Variants in ATXN10 observed in about 807,000 individuals in gnomAD.
ATXN10 encodes ataxin 10, also known as ataxin-10.
Under a neutral mutation model 52.9 loss-of-function variants are expected in ATXN10, and 28 were observed. That is an observed-to-expected ratio of 0.53 (90% CI 0.39 to 0.73). The LOEUF is 0.73. Ranked by LOEUF, ATXN10 falls within the 30% of genes least tolerant of loss-of-function variation. The probability of loss-of-function intolerance (pLI) is 0.00; values close to 1 mark genes in which losing one functional copy is unlikely to be tolerated. For missense variants in ATXN10, 565 were observed against 577.0 expected (o/e 0.98, Z 0.21); for synonymous variants, 226 against 221.5 (o/e 1.02, Z -0.18).
rs1928053801 is a variant in ATXN10 at position 45,805,035 on chromosome 22, C to T, written c.1174-1924C>T. Among the ~76,000 whole-genome samples, 1 of 152,342 alleles carries T rather than the reference C, an allele frequency of 6.6e-6. No homozygotes were observed. The highest frequency in any genetic ancestry group is 2.4e-5 in the African/African-American group (1 of 41,574). On this transcript the variant is annotated intron_variant, in intron 9 of 11. Coordinates refer to ENST00000252934, the MANE Select transcript of ATXN10 (RefSeq NM_013236.4). This position sits in a 1 kb window ranked among gnomAD's most constrained non-coding sequence, Gnocchi z 4.4. ...ACATTCACAGCCATATAGCAGTCTA[C>T]TGTGTTTGTACCGTAGTTTATGTAA...
intron 7 of ATXN10, among the ~76,000 whole-genome samples, chr22:45,734,628 C>G (rs1925220274): frequency 6.7e-6 from 1 of 149,780 alleles, no homozygotes; most frequent in South Asian, 2.1e-4. Flanking sequence ...GAAATACAAA[C>G]CTACATAGTC....
chr22:45,831,626 C>T (rs947887590), intron 10 of ATXN10, among the ~76,000 whole-genome samples: 14 of 152,126 alleles, frequency 9.2e-5, no homozygotes, highest in Non-Finnish European at 1.5e-4. Context: ...TTTTTATCTT[C>T]ATTTTATAGA....
At position 45,708,379 on chromosome 22, in the gene ATXN10, T is replaced by C. The variant is rs548770061; in HGVS notation, c.647+5532T>C. ...TGTGTTGGTTGCTTTGTCTGTGTAA[T>C]CTCATTTTCACATTGCTGCCATCCT... On this transcript the variant is annotated intron_variant, in intron 5 of 11. Transcript: ENST00000252934. The surrounding 1 kb of genome is among the most constrained non-coding windows in gnomAD (Gnocchi z 5.3). Among the ~76,000 whole-genome samples, 1 of 152,308 alleles carries C rather than the reference T, an allele frequency of 6.6e-6. No homozygotes were observed. The highest frequency in any genetic ancestry group is 2.1e-4 in the South Asian group (1 of 4,824).
At chr22:45,798,699 T>C (rs1569069530) in intron 9 of ATXN10, among the ~76,000 whole-genome samples, 1 of 152,172 alleles carries the variant, frequency 6.6e-6, no homozygotes, top group Non-Finnish European at 1.5e-5. Flanking sequence ...AAAAATCAGA[T>C]GCATGCAGGT....
intron 9 of ATXN10, among the ~76,000 whole-genome samples, chr22:45,764,189 G>T (rs918948699): frequency 6.6e-6 from 1 of 151,876 alleles, no homozygotes; most frequent in Non-Finnish European, 1.5e-5. Context: ...CTCCCCCATC[G>T]CAGGGGAGTT....
At position 45,769,421 on chromosome 22, in the gene ATXN10, C is replaced by T. The variant is rs560712654; in HGVS notation, c.1173+28883C>T. ...AGCATGAAATGGGTAGAATCCTGCC[C>T]GATGAGGGCACAGAAGGCCCCCAAT... is the stretch of plus-strand genomic sequence containing the variant. On this transcript the variant is annotated intron_variant, in intron 9 of 11. Coordinates refer to ENST00000252934, the MANE Select transcript of ATXN10 (RefSeq NM_013236.4). This position sits in a 1 kb window ranked among gnomAD's most constrained non-coding sequence, Gnocchi z 4.2. Among the ~76,000 whole-genome samples the T allele has an allele frequency of 1.6e-4, 24 of 151,812 alleles. No homozygotes were observed. The highest frequency in any genetic ancestry group is 3.2e-4 in the Non-Finnish European group (22 of 67,986).
At chr22:45,796,733 AATT>A (rs1389175861) in intron 9 of ATXN10, among the ~76,000 whole-genome samples, 7 of 152,172 alleles carry the variant, frequency 4.6e-5, no homozygotes, top group African/African-American at 1.7e-4. Context: ...CCTGACCTCA[AATT>A]ATCCTCCCAC....
At chr22:45,779,149 C>G (rs1927059738) in intron 9 of ATXN10, among the ~76,000 whole-genome samples, 1 of 152,168 alleles carries the variant, frequency 6.6e-6, no homozygotes, top group Non-Finnish European at 1.5e-5. Flanking sequence ...CTGCAAGAAG[C>G]CACCACTTCT....
rs529365116 is a variant in ATXN10, at chr22:45,840,681, T to C, written c.1238-2310T>C. Among the ~76,000 whole-genome samples, 1 of 152,316 alleles carries C rather than the reference T, an allele frequency of 6.6e-6. No homozygotes were observed. Among genetic ancestry groups the C allele is most frequent in the Admixed American group, 6.5e-5 (1 of 15,308 alleles). The stretch of plus-strand genomic sequence containing the variant: ...TCCTCCAGAGACATCCTGCGTTTGC[T>C]GCTGGCAGTGACGGTGCTGGCACCA... On this transcript the variant is annotated intron_variant, in intron 10 of 11. Coordinates refer to ENST00000252934, the MANE Select transcript of ATXN10 (RefSeq NM_013236.4). The surrounding 1 kb of genome is among the most constrained non-coding windows in gnomAD (Gnocchi z 5.8).
At chr22:45,695,069 G>A (rs912400990) in intron 3 of ATXN10, among the ~76,000 whole-genome samples, 2 of 151,248 alleles carry the variant, frequency 1.3e-5, no homozygotes, top group African/African-American at 4.9e-5. Context: ...AGTGGCTCAC[G>A]CCTGTAATCC....
intron 10 of ATXN10, among the ~76,000 whole-genome samples, chr22:45,830,380 C>T (rs1181139130): frequency 6.6e-6 from 1 of 152,084 alleles, no homozygotes; most frequent in Non-Finnish European, 1.5e-5. Context: ...TATTTTGCAT[C>T]ATTCAACAGA....
chr22:45,758,165 C>T (rs181284312), intron 9 of ATXN10, among the ~76,000 whole-genome samples: 271 of 152,344 alleles, frequency 1.8e-3, no homozygotes, highest in Non-Finnish European at 2.9e-3. Context: ...TCCCGCCTGA[C>T]GTTTGGCTCA....
intron 6 of ATXN10, among the ~76,000 whole-genome samples, 196 bp from the exon 7 acceptor site, chr22:45,729,229 A>G (rs1419396589): frequency 6.6e-6 from 1 of 152,258 alleles, no homozygotes; most frequent in Non-Finnish European, 1.5e-5. Flanking sequence ...GCCAAGACAC[A>G]TCAAAGAAAT....
chr22:45,703,564 C>A (rs1421026546), intron 5 of ATXN10, among the ~76,000 whole-genome samples: 1 of 152,124 alleles, frequency 6.6e-6, no homozygotes, highest in African/African-American at 2.4e-5. Context: ...AAGGCAGGGC[C>A]AAGGCTGTGG....
At position 45,789,270 on chromosome 22, in the gene ATXN10, C is replaced by T. The variant is rs1927424044; in HGVS notation, c.1174-17689C>T. ...TATTTTTAGTTATTAATTTACTCACCTGCCTCCCCCTGGCTAAGTTTCATT... is the reference window on the plus strand; with the variant it reads ...TATTTTTAGTTATTAATTTACTCACTTGCCTCCCCCTGGCTAAGTTTCATT... On this transcript the variant is annotated intron_variant, in intron 9 of 11. Coordinates refer to ENST00000252934, the MANE Select transcript of ATXN10 (RefSeq NM_013236.4). The surrounding 1 kb of genome is among the most constrained non-coding windows in gnomAD (Gnocchi z 4.0). 6.6e-6 allele frequency among the ~76,000 whole-genome samples: 1 copy of T among 152,216 alleles called. No individual in the cohort carries two copies. Among genetic ancestry groups the T allele is most frequent in the South Asian group, 2.1e-4 (1 of 4,822 alleles).
At position 45,678,337 on chromosome 22, in the gene ATXN10, C is replaced by T. The variant is rs1452501953; in HGVS notation, c.116+6158C>T. The T allele has an allele frequency of 6.6e-6, 1 of 152,160 alleles. No individual in the cohort carries two copies. The highest frequency in any genetic ancestry group is 1.9e-4 in the East Asian group (1 of 5,200). 9.4% of individuals were successfully genotyped at this position (152,160 alleles called of 1,614,324 possible). On this transcript the variant is annotated intron_variant, in intron 1 of 11. Coordinates refer to ENST00000252934, the MANE Select transcript of ATXN10 (RefSeq NM_013236.4). This position sits in a 1 kb window ranked among gnomAD's most constrained non-coding sequence, Gnocchi z 4.1. ...GTGACTTTAGTGTGCCACGTGAACCCTATCTCAATAGTGCTGTTATAAACA... is the reference window on the plus strand; with the variant it reads ...GTGACTTTAGTGTGCCACGTGAACCTTATCTCAATAGTGCTGTTATAAACA...
chr22:45,672,322 C>G lies in ATXN10; in HGVS notation c.116+143C>G, dbSNP rs892690477. On this transcript the variant is annotated intron_variant, in intron 1 of 11. Coordinates refer to ENST00000252934, the MANE Select transcript of ATXN10 (RefSeq NM_013236.4). ...CCTGCGCGGGCTGCCTGAGCGCCAC[C>G]CAGGCCTCCCGACTCCCAGGCACCG... is the stretch of plus-strand genomic sequence containing the variant. 8 of 930,760 alleles carry G rather than the reference C, an allele frequency of 8.6e-6. No homozygotes were observed. The Admixed American group carries it at 3.5e-4, about 41-fold the overall frequency. 57.7% of individuals were successfully genotyped at this position (930,760 alleles called of 1,614,324 possible).
At chr22:45,793,675 A>G (rs1158067121) in intron 9 of ATXN10, 1 of 1,454,012 alleles carries the variant, frequency 6.9e-7, no homozygotes, top group Admixed American at 2.2e-5. Flanking sequence ...CAGCATCTCA[A>G]GAGAAGTCAC....
chr22:45,698,351 T>C (rs1923704107), intron 3 of ATXN10, among the ~76,000 whole-genome samples: 1 of 152,226 alleles, frequency 6.6e-6, no homozygotes, highest in Non-Finnish European at 1.5e-5. Flanking sequence ...GGGTACTTCA[T>C]TGTGGTTTTG....
Sources: allele counts gnomAD v4.1 joint callset (sites outside exome capture counted in the v4.1 genomes callset), GRCh38; gene constraint gnomAD v4.1.1; non-coding constraint Gnocchi (gnomAD v3.1); transcripts MANE v1.5; gene names NCBI Gene and HGNC (gene_info 2026-07-23, HGNC 2026-07-21).